Variants in SYT1 observed in about 807,000 individuals in gnomAD.
The protein encoded by SYT1 is synaptotagmin-1.
In SYT1, 8 loss-of-function variants were observed where a neutral mutation model predicts 44.8. That is an observed-to-expected ratio of 0.18 (90% CI 0.10 to 0.32). The LOEUF is 0.32. Ranked by LOEUF, SYT1 falls within the 10% of genes least tolerant of loss-of-function variation. The pLI, the probability that SYT1 is intolerant of heterozygous loss-of-function variation, is 1.00. For synonymous variants in SYT1, 154 were observed against 188.8 expected (o/e 0.82, Z 1.51); for missense variants, 286 against 509.3 (o/e 0.56, Z 4.22).
At chr12:79,431,607 A>G (rs1210888763) in intron 9 of SYT1, among the ~76,000 whole-genome samples, 1 of 151,420 alleles carries the variant, frequency 6.6e-6, no homozygotes, top group Admixed American at 6.6e-5. Flanking sequence ...GCAATGGCAC[A>G]ATCTTGGCTC....
chr12:79,264,690 G>A (rs977079152), intron 4 of SYT1, among the ~76,000 whole-genome samples: 2 of 152,172 alleles, frequency 1.3e-5, no homozygotes, highest in African/African-American at 2.4e-5. Context: ...TAGCTGGAAT[G>A]GCTAATTATT....
intron 8 of SYT1, chr12:79,341,123 AC>A (rs2139047593): frequency 6.6e-6 from 1 of 152,326 alleles, no homozygotes; most frequent in East Asian, 1.9e-4. Flanking sequence ...TAAGGGTTTG[AC>A]ATATAAGACT....
chr12:79,218,159 T>A (rs1240642676), intron 4 of SYT1, among the ~76,000 whole-genome samples: 1 of 152,150 alleles, frequency 6.6e-6, no homozygotes, highest in African/African-American at 2.4e-5. Flanking sequence ...CTTATTGTCA[T>A]TAAAAAAAAC....
At chr12:79,091,398 CAAAAG>C (rs1877767148) in intron 3 of SYT1, among the ~76,000 whole-genome samples, 1 of 151,974 alleles carries the variant, frequency 6.6e-6, no homozygotes, top group South Asian at 2.1e-4. Context: ...TCTAAAGAAA[CAAAAG>C]AAAGACAAAA....
Position 79,232,968 on chromosome 12 carries a change from C to A in SYT1, c.166+15283C>A, listed in dbSNP as rs559098536. On this transcript the variant is annotated intron_variant, in intron 4 of 10. Transcript: ENST00000261205. Reference sequence around the variant, plus strand: ...TACCCCACTCTACTTTACAATACATCTTTGCTTTTTCTCTCTCCTTTTATT... The same window carrying A: ...TACCCCACTCTACTTTACAATACATATTTGCTTTTTCTCTCTCCTTTTATT... Among the ~76,000 whole-genome samples the A allele has an allele frequency of 4.6e-5, 7 of 152,328 alleles. 1 individual carries two copies. Among genetic ancestry groups the A allele is most frequent in the African/African-American group, 1.4e-4 (6 of 41,576 alleles).
chr12:79,322,733 TGA>T (rs1230369123), intron 8 of SYT1, among the ~76,000 whole-genome samples: 1 of 151,868 alleles, frequency 6.6e-6, no homozygotes, highest in African/African-American at 2.4e-5. Context: ...TTTTTTGGAG[TGA>T]GAGAGCGCAG....
At chr12:79,355,308 A>G (rs1267888225) in intron 9 of SYT1, among the ~76,000 whole-genome samples, 1 of 152,178 alleles carries the variant, frequency 6.6e-6, no homozygotes, top group African/African-American at 2.4e-5. Context: ...CCTGCAATGC[A>G]CTAACTAACT....
chr12:79,419,238 G>A (rs747921154), intron 9 of SYT1: 1 of 520,704 alleles, frequency 1.9e-6, no homozygotes, highest in Non-Finnish European at 3.9e-6. Context: ...TTGGTAAGTT[G>A]AGAAAAAATG....
chr12:78,958,768 A>G (rs749953702), intron 1 of SYT1, among the ~76,000 whole-genome samples: 2 of 152,110 alleles, frequency 1.3e-5, no homozygotes, highest in Middle Eastern at 3.2e-3. Context: ...GTAATTTGAA[A>G]TAAAGGAAAC....
intron 3 of SYT1, among the ~76,000 whole-genome samples, chr12:79,122,513 CAAAAAA>C (rs58384133): frequency 1.5e-4 from 10 of 65,038 alleles, no homozygotes; most frequent in South Asian, 8.1e-4. Context: ...GACTCCGTCT[CAAAAAA>C]AAAAAAAAAA....
At chr12:78,865,650 T>A (rs937863636) in intron 1 of SYT1, among the ~76,000 whole-genome samples, 8 of 144,612 alleles carry the variant, frequency 5.5e-5, no homozygotes, top group South Asian at 2.2e-4. Context: ...ATAAGGGGAG[T>A]AGACAACCAG....
intron 4 of SYT1, among the ~76,000 whole-genome samples, chr12:79,236,414 T>G (rs1268914886): frequency 6.6e-6 from 1 of 152,190 alleles, no homozygotes; most frequent in Non-Finnish European, 1.5e-5. Context: ...CATTTCCTGT[T>G]GTTTTACCTT....
chr12:79,025,082 A>G (rs1872440245), intron 2 of SYT1, among the ~76,000 whole-genome samples: 1 of 151,828 alleles, frequency 6.6e-6, no homozygotes, highest in Non-Finnish European at 1.5e-5. Context: ...TGAACTAATT[A>G]TTGTGAATAC....
At chr12:79,162,830 A>C (rs1238699077) in intron 3 of SYT1, among the ~76,000 whole-genome samples, 1 of 151,292 alleles carries the variant, frequency 6.6e-6, no homozygotes, top group African/African-American at 2.4e-5. Flanking sequence ...AGAGTTGAAT[A>C]AACTTTATTT....
chr12:79,408,051 T>A (rs1868300882), intron 9 of SYT1, among the ~76,000 whole-genome samples: 1 of 152,108 alleles, frequency 6.6e-6, no homozygotes, highest in Non-Finnish European at 1.5e-5. Flanking sequence ...TTGAAATCAG[T>A]TTATCCTGGG....
At chr12:79,067,446 A>G (rs1001764307) in intron 3 of SYT1, among the ~76,000 whole-genome samples, 1 of 152,162 alleles carries the variant, frequency 6.6e-6, no homozygotes. Flanking sequence ...CTATATAAAT[A>G]TAGTCATTTT....
At chr12:79,145,539 A>G (rs1342801798) in intron 3 of SYT1, among the ~76,000 whole-genome samples, 1 of 152,202 alleles carries the variant, frequency 6.6e-6, no homozygotes, top group East Asian at 1.9e-4. Context: ...AAACACCATG[A>G]CCATTTTTAA....
At chr12:79,339,279 C>G (rs112975409) in intron 8 of SYT1, among the ~76,000 whole-genome samples, 3,490 of 152,308 alleles carry the variant, frequency 0.023, 54 homozygotes, top group Middle Eastern at 0.065. Flanking sequence ...AATTTACACT[C>G]CCACCAACAG....
intron 9 of SYT1, among the ~76,000 whole-genome samples, chr12:79,380,843 G>A (rs1361559388): frequency 6.6e-6 from 1 of 152,090 alleles, no homozygotes; most frequent in Non-Finnish European, 1.5e-5. Context: ...CTTCCTGGAA[G>A]CCCTAGGAGT....
Sources: allele counts gnomAD v4.1 joint callset (sites outside exome capture counted in the v4.1 genomes callset), GRCh38; gene constraint gnomAD v4.1.1; transcripts MANE v1.5; gene names NCBI Gene and HGNC (gene_info 2026-07-23, HGNC 2026-07-21).